Variants in DLG2 observed in about 807,000 individuals in gnomAD.
DLG2 encodes the protein discs large MAGUK scaffold protein 2.
DLG2 carries 45 observed loss-of-function variants against 132.5 expected under a neutral mutation model. That is an observed-to-expected ratio of 0.34 (90% CI 0.27 to 0.44). DLG2 has a LOEUF of 0.44. Ranked by LOEUF, DLG2 falls within the 20% of genes least tolerant of loss-of-function variation. DLG2 has a pLI of 1.00. For missense variants in DLG2, 1,045 were observed against 1,196.9 expected (o/e 0.87, Z 1.87); for synonymous variants, 424 against 419.6 (o/e 1.01, Z -0.13).
chr11:84,109,975 G>T (rs2093243074), intron 9 of DLG2, among the ~76,000 whole-genome samples: 1 of 152,046 alleles, frequency 6.6e-6, no homozygotes, highest in African/African-American at 2.4e-5. Flanking sequence ...AATCCATCCA[G>T]CTCCTCTCGA....
At chr11:84,241,236 G>A (rs1210352919) in intron 8 of DLG2, among the ~76,000 whole-genome samples, 2 of 152,162 alleles carry the variant, frequency 1.3e-5, no homozygotes, top group African/African-American at 4.8e-5. Flanking sequence ...AATGTGCAGG[G>A]TTTCTGAGGT....
chr11:84,415,855 A>G (rs370093561), intron 7 of DLG2, among the ~76,000 whole-genome samples: 4 of 152,306 alleles, frequency 2.6e-5, no homozygotes, highest in African/African-American at 9.6e-5. Context: ...TACTTCATAT[A>G]TGCATTGAGA....
intron 10 of DLG2, among the ~76,000 whole-genome samples, chr11:84,083,517 A>G (rs1984374): frequency 0.87 from 131,980 of 152,158 alleles, 57,541 homozygotes; most frequent in Middle Eastern, 0.94. Flanking sequence ...TTGGGAGGTC[A>G]GGCCTAATAA....
chr11:83,464,764 C>T (rs1435183886), intron 26 of DLG2, among the ~76,000 whole-genome samples: 2 of 152,192 alleles, frequency 1.3e-5, no homozygotes, highest in East Asian at 1.9e-4. Flanking sequence ...CCACTGCTGT[C>T]GTTCCCTCAG....
intron 6 of DLG2, among the ~76,000 whole-genome samples, chr11:84,795,387 A>G (rs560963034): frequency 6.6e-6 from 1 of 151,958 alleles, no homozygotes; most frequent in East Asian, 1.9e-4. Context: ...TGAAAGCTGA[A>G]CACTTGACAC....
intron 4 of DLG2, among the ~76,000 whole-genome samples, chr11:85,187,995 GAA>G (rs1004098476): frequency 6.6e-6 from 1 of 152,162 alleles, no homozygotes; most frequent in Admixed American, 6.5e-5. Flanking sequence ...CTGCTGATGG[GAA>G]AGTCTTAAAA....
intron 7 of DLG2, among the ~76,000 whole-genome samples, chr11:84,409,925 G>T (rs2098889992): frequency 6.6e-6 from 1 of 152,134 alleles, no homozygotes; most frequent in Admixed American, 6.5e-5. Context: ...CTCCCTTCTT[G>T]ATATGGAGAT....
chr11:84,944,078 C>A (rs1591635478), intron 6 of DLG2, among the ~76,000 whole-genome samples: 1 of 152,128 alleles, frequency 6.6e-6, no homozygotes, highest in East Asian at 1.9e-4. Context: ...AAAGATTCTA[C>A]CGAGAAATCT....
At chr11:84,804,261 T>A (rs887205062) in intron 6 of DLG2, among the ~76,000 whole-genome samples, 1 of 152,232 alleles carries the variant, frequency 6.6e-6, no homozygotes. Flanking sequence ...CAGCCAGAAT[T>A]TGTAGCTTGG....
At chr11:84,829,317 T>C (rs1266683974) in intron 6 of DLG2, among the ~76,000 whole-genome samples, 3 of 151,660 alleles carry the variant, frequency 2.0e-5, no homozygotes, top group Admixed American at 6.6e-5. Flanking sequence ...GTTGCATTCT[T>C]GCTATTTTTC....
intron 10 of DLG2, among the ~76,000 whole-genome samples, chr11:84,075,684 A>T (rs149644030): frequency 6.6e-6 from 1 of 152,292 alleles, no homozygotes; most frequent in East Asian, 1.9e-4. Flanking sequence ...TCTAGGGTAG[A>T]TGATTAGTGA....
intron 4 of DLG2, among the ~76,000 whole-genome samples, chr11:85,274,479 G>A (rs2077758557): frequency 6.6e-6 from 1 of 152,030 alleles, no homozygotes; most frequent in African/African-American, 2.4e-5. Context: ...AAATAACTAG[G>A]TACTATAGCA....
intron 6 of DLG2, among the ~76,000 whole-genome samples, chr11:84,729,602 A>G (rs746811799): frequency 2.6e-5 from 4 of 151,836 alleles, no homozygotes; most frequent in Non-Finnish European, 4.4e-5. Flanking sequence ...TAAGTCCTCT[A>G]TGTCCACTCA....
At chr11:83,492,298 T>G (rs1453636829) in intron 21 of DLG2, among the ~76,000 whole-genome samples, 2 of 152,040 alleles carry the variant, frequency 1.3e-5, no homozygotes, top group Non-Finnish European at 2.9e-5. Context: ...CTGGTACACC[T>G]CCACATTTTC....
intron 6 of DLG2, among the ~76,000 whole-genome samples, chr11:84,802,362 A>G (rs2075498854): frequency 6.6e-6 from 1 of 151,682 alleles, no homozygotes; most frequent in Non-Finnish European, 1.5e-5. Flanking sequence ...AGCACTCCGG[A>G]ACCCAGCAGC....
rs75579480 is a variant in DLG2 at position 85,066,819 on chromosome 11, C to T, written c.357+44842G>A. Among the ~76,000 whole-genome samples, 794 of 151,748 alleles carry T rather than the reference C, an allele frequency of 5.2e-3. 6 individuals carry two copies. Among genetic ancestry groups the T allele is most frequent in the African/African-American group, 0.019 (770 of 41,476 alleles). On this transcript the variant is annotated intron_variant, in intron 6 of 27. Transcript: ENST00000376104. ...GACAATAAAAGCCATATACAACAAA[C>T]CTACAGACAACATGGGGAAAAGTTG...
intron 22 of DLG2, among the ~76,000 whole-genome samples, chr11:83,478,003 C>G (rs1481103600): frequency 6.6e-6 from 1 of 152,098 alleles, no homozygotes; most frequent in African/African-American, 2.4e-5. Flanking sequence ...TATGCTCCCA[C>G]TATTCTTGAG....
chr11:83,568,372 A>G (rs1163910848), intron 19 of DLG2, among the ~76,000 whole-genome samples: 1 of 152,114 alleles, frequency 6.6e-6, no homozygotes, highest in Admixed American at 6.6e-5. Context: ...AGAAATTTGC[A>G]AAGGGTGAGC....
At chr11:83,826,521 T>TAG (rs374126859) in intron 17 of DLG2, among the ~76,000 whole-genome samples, 4 of 151,958 alleles carry the variant, frequency 2.6e-5, no homozygotes, top group South Asian at 2.1e-4. Context: ...TGCAGTGGGT[T>TAG]AGAGAGAGAG....
Sources: gnomAD v4.1 joint callset for allele counts (sites outside exome capture counted in the v4.1 genomes callset) on GRCh38, gnomAD v4.1.1 for gene constraint, MANE v1.5 for transcripts, NCBI Gene and HGNC (gene_info 2026-07-23, HGNC 2026-07-21) for gene names.